Variants in APBB2 observed in about 807,000 individuals in gnomAD.
APBB2 encodes the protein amyloid beta precursor protein binding family B member 2, also known as Fe65-like 1.
A neutral mutation model predicts 82.5 loss-of-function variants in APBB2; 38 were observed. The observed-to-expected ratio is 0.46, with a 90% CI of 0.36 to 0.60. APBB2 has a LOEUF of 0.60. Ranked by LOEUF, APBB2 falls within the 20% of genes least tolerant of loss-of-function variation. The pLI is 0.00. For synonymous variants in APBB2, 341 were observed against 368.2 expected (o/e 0.93, Z 0.85); for missense variants, 772 against 972.3 (o/e 0.79, Z 2.74).
chr4:40,875,305 AAGG>A (rs1393552565), intron 12 of APBB2, among the ~76,000 whole-genome samples: 1 of 152,188 alleles, frequency 6.6e-6, no homozygotes, highest in African/African-American at 2.4e-5. Flanking sequence ...AATAAGACAA[AAGG>A]AGGACAGTGT....
intron 2 of APBB2, among the ~76,000 whole-genome samples, chr4:41,107,314 A>T (rs1747622471): frequency 6.6e-6 from 1 of 152,208 alleles, no homozygotes; most frequent in African/African-American, 2.4e-5. Context: ...CTTTCTCAAA[A>T]AAAAGAATGA....
intron 1 of APBB2, among the ~76,000 whole-genome samples, chr4:41,201,873 C>G (rs115876729): frequency 6.6e-6 from 1 of 152,096 alleles, no homozygotes; most frequent in African/African-American, 2.4e-5. Flanking sequence ...AAAAATACGC[C>G]CCACATAGAT....
At chr4:40,961,551 G>C (rs892429187) in intron 6 of APBB2, among the ~76,000 whole-genome samples, 2 of 149,356 alleles carry the variant, frequency 1.3e-5, no homozygotes, top group African/African-American at 2.5e-5. Flanking sequence ...GCTAGATGTC[G>C]AGTTAGTGGG....
At chr4:41,169,225 G>A (rs1767590586) in intron 1 of APBB2, among the ~76,000 whole-genome samples, 1 of 149,836 alleles carries the variant, frequency 6.7e-6, no homozygotes, top group African/African-American at 2.5e-5. Flanking sequence ...CAGAGAGGAA[G>A]GAAAGGTAAG....
At chr4:41,018,665 GAA>G (rs973029416) in intron 5 of APBB2, among the ~76,000 whole-genome samples, 46 of 152,294 alleles carry the variant, frequency 3.0e-4, no homozygotes, top group African/African-American at 1.0e-3. Flanking sequence ...TGACTATGAT[GAA>G]AAGACATTAA....
At chr4:41,100,317 T>A (rs1744922893) in intron 3 of APBB2, among the ~76,000 whole-genome samples, 1 of 152,234 alleles carries the variant, frequency 6.6e-6, no homozygotes, top group Non-Finnish European at 1.5e-5. Context: ...TGGACTCACT[T>A]TTCTGTCACA....
At chr4:40,942,746 G>C (rs759860578) in intron 7 of APBB2, among the ~76,000 whole-genome samples, 2 of 152,146 alleles carry the variant, frequency 1.3e-5, no homozygotes, top group Non-Finnish European at 2.9e-5. Flanking sequence ...GTACGATGCA[G>C]GCACAGAGAG....
intron 4 of APBB2, among the ~76,000 whole-genome samples, chr4:41,063,093 G>T: frequency 6.6e-6 from 1 of 152,216 alleles, no homozygotes; most frequent in Non-Finnish European, 1.5e-5. Context: ...AAATATATTA[G>T]CTTGAACCAT....
At chr4:41,002,168 T>C (rs1293765768) in intron 6 of APBB2, among the ~76,000 whole-genome samples, 1 of 152,186 alleles carries the variant, frequency 6.6e-6, no homozygotes, top group Admixed American at 6.5e-5. Flanking sequence ...TACCCCCACA[T>C]TTATGAAAGC....
intron 1 of APBB2, among the ~76,000 whole-genome samples, chr4:41,169,006 G>C (rs575259394): frequency 6.6e-6 from 1 of 152,074 alleles, no homozygotes; most frequent in Admixed American, 6.5e-5. Context: ...CCAAGGTAGT[G>C]AGACCCCGTC....
intron 1 of APBB2, among the ~76,000 whole-genome samples, chr4:41,155,246 T>G (rs1763164894): frequency 6.6e-6 from 1 of 151,866 alleles, no homozygotes; most frequent in African/African-American, 2.4e-5. Flanking sequence ...ACTGTTTTTT[T>G]GTTTTTGTTT....
chr4:41,081,301 CAT>C (rs915569469), intron 3 of APBB2, among the ~76,000 whole-genome samples: 2 of 152,082 alleles, frequency 1.3e-5, no homozygotes, highest in African/African-American at 4.8e-5. Context: ...CGTGTGTACA[CAT>C]GTGTGAAACT....
At chr4:41,000,351 A>G (rs1804875882) in intron 6 of APBB2, among the ~76,000 whole-genome samples, 4 of 152,180 alleles carry the variant, frequency 2.6e-5, no homozygotes, top group Admixed American at 6.6e-5. Flanking sequence ...TAGGAGAAAT[A>G]AGGCAGTAAT....
chr4:40,898,880 C>CACACAG (rs148917018), intron 10 of APBB2, among the ~76,000 whole-genome samples: 2,810 of 149,604 alleles, frequency 0.019, 59 homozygotes, highest in African/African-American at 0.051. Context: ...CACACACACA[C>CACACAG]AGAACACTGG....
Position 40,857,213 on chromosome 4 carries a change from C to T in APBB2, c.1530-26636G>A, listed in dbSNP as rs571084310. 3.8e-5 allele frequency: 37 copies of T among 982,872 alleles called. No individual in the cohort carries two copies. The African/African-American group carries it at 6.1e-4, about 16-fold the overall frequency. The allele number at this position is 982,872 out of a possible 1,614,324, so 60.9% of individuals were successfully genotyped here. ...TCCCTGCCCCGCCCGCCGCGGCCGC[C>T]CATTGGCTGCTGGGGAGGCGCGTGG... On this transcript the variant is annotated intron_variant, in intron 12 of 17. Coordinates refer to ENST00000508593, the MANE Select transcript of APBB2 (RefSeq NM_004307.2).
intron 6 of APBB2, among the ~76,000 whole-genome samples, chr4:40,985,432 T>C (rs1475491406): frequency 1.3e-5 from 2 of 152,206 alleles, no homozygotes; most frequent in Admixed American, 1.3e-4. Flanking sequence ...AGTAGAAAAG[T>C]AGAGCTTTTC....
chr4:41,105,699 A>G (rs2153974610), intron 2 of APBB2, among the ~76,000 whole-genome samples: 1 of 152,280 alleles, frequency 6.6e-6, no homozygotes, highest in South Asian at 2.1e-4. Flanking sequence ...CCTGGCTAAC[A>G]CAGTGAAACC....
At position 41,063,950 on chromosome 4, in the gene APBB2, ATTTTT is replaced by A. The variant is rs11422110; in HGVS notation, c.-51+1621_-51+1625del. ...TACCTCAGCCTCCCAAAATGCTGGG[ATTTTT>A]TTTTTTTTTTTTTTTTTTTGAGACA... On this transcript the variant is annotated intron_variant, in intron 4 of 17. Transcript: ENST00000508593. Among the ~76,000 whole-genome samples, 6 of 91,786 alleles carry A rather than the reference ATTTTT, an allele frequency of 6.5e-5. 1 individual carries two copies. Among genetic ancestry groups the A allele is most frequent in the African/African-American group, 9.0e-5 (2 of 22,252 alleles). 60.2% of individuals were successfully genotyped at this position (91,786 alleles called of 152,430 possible).
chr4:41,205,027 A>G (rs1193419092), intron 1 of APBB2, among the ~76,000 whole-genome samples: 1 of 152,206 alleles, frequency 6.6e-6, no homozygotes, highest in Non-Finnish European at 1.5e-5. Flanking sequence ...AAAATTAGGC[A>G]TAATTCTAGG....
Sources: allele counts gnomAD v4.1 joint callset (sites outside exome capture counted in the v4.1 genomes callset), GRCh38; gene constraint gnomAD v4.1.1; transcripts MANE v1.5; gene names NCBI Gene and HGNC (gene_info 2026-07-23, HGNC 2026-07-21).